AHCYL1: variants seen among roughly 807,000 people sequenced by gnomAD.
AHCYL1 encodes the protein S-adenosylhomocysteine hydrolase-like protein 1.
A neutral mutation model predicts 79.3 loss-of-function variants in AHCYL1; 20 were observed. The ratio of observed to expected loss-of-function variants is 0.25; its 90% CI spans 0.18 to 0.37. The LOEUF is 0.37. Ranked by LOEUF, AHCYL1 falls within the 10% of genes least tolerant of loss-of-function variation. AHCYL1 has a pLI of 1.00. For synonymous variants in AHCYL1, 223 were observed against 242.2 expected (o/e 0.92, Z 0.74); for missense variants, 330 against 673.6 (o/e 0.49, Z 5.65).
In AHCYL1 at chr1:109,984,973, C is replaced by T; in HGVS notation, c.-80C>T. 2 of 1,369,024 alleles carry T rather than the reference C, an allele frequency of 1.5e-6. No homozygotes were observed. Among genetic ancestry groups the T allele is most frequent in the Admixed American group, 3.9e-5 (1 of 25,496 alleles). The allele number at this position is 1,369,024 out of a possible 1,614,324, so 84.8% of individuals were successfully genotyped here. ...GTGGGCGATCGCGTGTCGGAGGGCG[C>T]CGCGCGGGCAGGCGGGCGGGCGCCA... On this transcript the variant is annotated 5_prime_UTR_variant, in exon 1 of 17. Coordinates refer to ENST00000369799, the MANE Select transcript of AHCYL1 (RefSeq NM_006621.7).
chr1:110,011,421 A>G (rs1651020656), intron 3 of AHCYL1, 64 bp downstream of exon 3: 1 of 1,594,426 alleles, frequency 6.3e-7, no homozygotes. Context: ...AGAATCCACA[A>G]ACAACTTAAG....
chr1:110,023,011 G>C lies in AHCYL1; in HGVS notation c.*1331G>C, dbSNP rs1411711907. The C allele has an allele frequency of 6.6e-6, 1 of 152,578 alleles. No individual in the cohort carries two copies. The highest frequency in any genetic ancestry group is 2.4e-5 in the African/African-American group (1 of 41,426). The allele number at this position is 152,578 out of a possible 1,614,324, so 9.5% of individuals were successfully genotyped here. On this transcript the variant is annotated 3_prime_UTR_variant, in exon 17 of 17. Coordinates refer to ENST00000369799, the MANE Select transcript of AHCYL1 (RefSeq NM_006621.7). Reference sequence around the variant, plus strand: ...TCAGGGAGATGTATTCCCATGCCATGCACCCTGCTTCCCAGCATTTCTGCA... The same window carrying C: ...TCAGGGAGATGTATTCCCATGCCATCCACCCTGCTTCCCAGCATTTCTGCA...
chr1:109,997,436 C>G (rs771988978), intron 1 of AHCYL1, among the ~76,000 whole-genome samples: 15 of 152,160 alleles, frequency 9.9e-5, no homozygotes, highest in Non-Finnish European at 1.9e-4. Flanking sequence ...GCCAGGAGAG[C>G]AGCTTTCTCC....
intron 1 of AHCYL1, among the ~76,000 whole-genome samples, chr1:110,006,566 G>C (rs546155053): frequency 6.6e-6 from 1 of 152,286 alleles, no homozygotes; most frequent in East Asian, 1.9e-4. Flanking sequence ...ATATCCAAAA[G>C]TTGCTTTTGG....
intron 6 of AHCYL1, among the ~76,000 whole-genome samples, chr1:110,015,063 C>T (rs1301889792): frequency 6.6e-6 from 1 of 152,148 alleles, no homozygotes; most frequent in Non-Finnish European, 1.5e-5. Flanking sequence ...ACACATGGCT[C>T]AAACACACCA....
intron 15 of AHCYL1, 23 bp downstream of exon 15, chr1:110,019,649 C>A: frequency 6.3e-7 from 1 of 1,597,356 alleles, no homozygotes; most frequent in Non-Finnish European, 8.5e-7. Context: ...CAGTGGAAAT[C>A]TATGCAGACA....
intron 5 of AHCYL1, among the ~76,000 whole-genome samples, 167 bp from the exon 6 acceptor site, chr1:110,014,596 C>G (rs1255017855): frequency 6.6e-6 from 1 of 152,194 alleles, no homozygotes; most frequent in Non-Finnish European, 1.5e-5. Flanking sequence ...ATTTCTTAAC[C>G]TAATTAATTT....
At chr1:109,990,174 C>CTT (rs1649679378) in intron 1 of AHCYL1, among the ~76,000 whole-genome samples, 1 of 152,200 alleles carries the variant, frequency 6.6e-6, no homozygotes, top group Non-Finnish European at 1.5e-5. Context: ...ATAAGGTAAG[C>CTT]ACTGATTTTT....
chr1:110,017,884 T>C (rs1220809758), intron 10 of AHCYL1, 62 bp from the exon 11 acceptor site: 2 of 1,530,298 alleles, frequency 1.3e-6, no homozygotes, highest in Non-Finnish European at 1.8e-6. Context: ...TCTCATTTCA[T>C]GACCATCTTC....
intron 1 of AHCYL1, among the ~76,000 whole-genome samples, chr1:110,006,213 G>T (rs1393293106): frequency 6.6e-6 from 1 of 152,104 alleles, no homozygotes; most frequent in Non-Finnish European, 1.5e-5. Context: ...GCTGTTTATG[G>T]GGTGGTGAGT....
chr1:110,009,227 T>C, intron 2 of AHCYL1, 82 bp downstream of exon 2: 2 of 1,242,534 alleles, frequency 1.6e-6, no homozygotes, highest in South Asian at 2.6e-5. Flanking sequence ...AATCTGAAAA[T>C]ACCTCATGTT....
intron 11 of AHCYL1, 141 bp from the exon 12 acceptor site, chr1:110,018,232 C>A: frequency 2.2e-6 from 2 of 900,568 alleles, no homozygotes; most frequent in Admixed American, 2.4e-5. Flanking sequence ...GCCTAAGGAG[C>A]GGTTATGCAT....
At position 109,985,189 on chromosome 1, in the gene AHCYL1, T is replaced by G; in HGVS notation, c.120+17T>G. 6.2e-7 allele frequency: 1 copy of G among 1,600,274 alleles called. No individual in the cohort carries two copies. Among genetic ancestry groups the G allele is most frequent in the Non-Finnish European group, 8.5e-7 (1 of 1,173,930 alleles). ...CCCAAGAAGGTGCGGGGGCTCTGGG[T>G]GGCGGCGGGGGCTCGGGCTCCGGCC... On this transcript the variant is annotated intron_variant, in intron 1 of 16. Transcript: ENST00000369799.
In AHCYL1 at chr1:110,012,224, C is replaced by T. The variant is rs141156959; in HGVS notation, c.377-138C>T. On this transcript the variant is annotated intron_variant, in intron 3 of 16. Coordinates refer to ENST00000369799, the MANE Select transcript of AHCYL1 (RefSeq NM_006621.7). ...CTCCACTATTACTGTGCCGTTGAAG[C>T]TGCCAGTCGTCATGGAAATAGGCTT... 2.2e-4 allele frequency: 141 copies of T among 631,288 alleles called. No homozygotes were observed. The East Asian group carries it at 3.8e-3, about 17-fold the overall frequency. 39.1% of individuals were successfully genotyped at this position (631,288 alleles called of 1,614,324 possible). A position where few individuals can be genotyped will look rare whatever the true frequency, so the allele number is the denominator to read the frequency against.
At chr1:109,992,403 C>T (rs185326847) in intron 1 of AHCYL1, among the ~76,000 whole-genome samples, 21 of 129,986 alleles carry the variant, frequency 1.6e-4, no homozygotes, top group African/African-American at 3.3e-4. Flanking sequence ...AGCAAGACTC[C>T]GTCTCAAAAA....
chr1:109,992,525 A>G (rs1195750349), intron 1 of AHCYL1, among the ~76,000 whole-genome samples: 1 of 151,874 alleles, frequency 6.6e-6, no homozygotes, highest in Non-Finnish European at 1.5e-5. Flanking sequence ...GGTTCTCATG[A>G]CTGTTAGCTT....
chr1:109,994,804 TG>T (rs1466055145), intron 1 of AHCYL1, among the ~76,000 whole-genome samples: 1 of 152,240 alleles, frequency 6.6e-6, no homozygotes, highest in Non-Finnish European at 1.5e-5. Flanking sequence ...GTAGCCCAGC[TG>T]GCTTGTCATG....
intron 1 of AHCYL1, among the ~76,000 whole-genome samples, chr1:110,003,506 A>T (rs766920603): frequency 1.1e-4 from 16 of 151,882 alleles, no homozygotes; most frequent in Non-Finnish European, 2.2e-4. Context: ...GCGAGTGGGG[A>T]TGGAGGGTAG....
At chr1:109,989,252 TAGA>T (rs1458724974) in intron 1 of AHCYL1, among the ~76,000 whole-genome samples, 3 of 152,246 alleles carry the variant, frequency 2.0e-5, no homozygotes, top group African/African-American at 4.8e-5. Flanking sequence ...AGAAATCTGT[TAGA>T]AGATTTCTAG....
Sources: gnomAD v4.1 joint callset for allele counts (sites outside exome capture counted in the v4.1 genomes callset) on GRCh38, gnomAD v4.1.1 for gene constraint, MANE v1.5 for transcripts, NCBI Gene and HGNC (gene_info 2026-07-23, HGNC 2026-07-21) for gene names.